The following ABHD17C variants were observed in gnomAD, a reference collection of about 807,000 sequenced individuals.
ABHD17C encodes the protein alpha/beta hydrolase domain-containing protein 17C.
A neutral mutation model predicts 27.9 loss-of-function variants in ABHD17C; 11 were observed. The observed-to-expected ratio is 0.39, with a 90% CI of 0.25 to 0.65. The LOEUF (loss-of-function observed/expected upper bound fraction) is 0.65. Among genes scored for constraint, ABHD17C ranks in the 30% least tolerant of loss-of-function variants. The pLI, the probability that ABHD17C is intolerant of heterozygous loss-of-function variation, is 0.45. For synonymous variants in ABHD17C, 233 were observed against 209.1 expected, an observed-to-expected ratio of 1.11 and a Z score of -0.98; for missense variants, 280 against 470.2, an observed-to-expected ratio of 0.60 and a Z score of 3.74.
intron 2 of ABHD17C, 63 bp downstream of exon 2, chr15:80,749,755 C>T: frequency 5.9e-6 from 9 of 1,522,132 alleles, no homozygotes; most frequent in African/African-American, 1.4e-5. Flanking sequence ...ATCTGATGCT[C>T]CCATAAATAT....
intron 1 of ABHD17C, among the ~76,000 whole-genome samples, chr15:80,746,563 T>C (rs1025122319): frequency 6.6e-6 from 1 of 152,208 alleles, no homozygotes; most frequent in Admixed American, 6.5e-5. Context: ...TTGTAGACAC[T>C]GGTACTGGGT....
intron 1 of ABHD17C, among the ~76,000 whole-genome samples, chr15:80,726,440 T>G (rs1894976564): frequency 6.6e-6 from 1 of 152,072 alleles, no homozygotes; most frequent in Non-Finnish European, 1.5e-5. Flanking sequence ...TCTGCATCTG[T>G]TTTTTTCCCT....
chr15:80,717,216 A>G (rs77346561), intron 1 of ABHD17C, among the ~76,000 whole-genome samples: 2,901 of 150,646 alleles, frequency 0.019, 86 homozygotes, highest in Admixed American at 0.088. Flanking sequence ...AATTGAACAT[A>G]CACTCTATCA....
intron 1 of ABHD17C, among the ~76,000 whole-genome samples, chr15:80,708,043 C>T (rs1894672255): frequency 6.6e-6 from 1 of 152,182 alleles, no homozygotes; most frequent in African/African-American, 2.4e-5. Flanking sequence ...ACACCTGGGC[C>T]CCGGGCACTG....
intron 1 of ABHD17C, among the ~76,000 whole-genome samples, chr15:80,725,596 G>T (rs1012330223): frequency 6.6e-6 from 1 of 152,060 alleles, no homozygotes; most frequent in South Asian, 2.1e-4. Context: ...CATTGCAGCC[G>T]TGAACTTCTG....
intron 1 of ABHD17C, among the ~76,000 whole-genome samples, chr15:80,713,605 C>T (rs748533993): frequency 5.5e-4 from 84 of 151,626 alleles, no homozygotes; most frequent in Non-Finnish European, 1.1e-3. Flanking sequence ...GTCAGCAGTT[C>T]GAGACCAGCC....
chr15:80,728,536 A>G (rs1235240608), intron 1 of ABHD17C, among the ~76,000 whole-genome samples: 1 of 152,212 alleles, frequency 6.6e-6, no homozygotes, highest in African/African-American at 2.4e-5. Flanking sequence ...TAGGAGATCT[A>G]AAGGCAGGTA....
Position 80,754,384 on chromosome 15 carries a change from A to T in ABHD17C, c.*14A>T. The T allele has an allele frequency of 6.3e-7, 1 of 1,597,842 alleles. No homozygotes were observed. Among genetic ancestry groups the T allele is most frequent in the Middle Eastern group, 1.7e-4 (1 of 5,716 alleles). On this transcript the variant is annotated 3_prime_UTR_variant, in exon 3 of 3. Transcript: ENST00000258884. ...CCTAATTCCTGAAGACAACAACTTGATCTTACCTCATTTACTGTGAACAGA... is the reference window on the plus strand; with the variant it reads ...CCTAATTCCTGAAGACAACAACTTGTTCTTACCTCATTTACTGTGAACAGA...
intron 1 of ABHD17C, among the ~76,000 whole-genome samples, chr15:80,740,188 T>C (rs1895190500): frequency 1.3e-5 from 2 of 152,132 alleles, no homozygotes; most frequent in African/African-American, 4.8e-5. Context: ...TTTCTGTGAC[T>C]TCTCCCTGCC....
intron 2 of ABHD17C, among the ~76,000 whole-genome samples, chr15:80,753,803 G>GA (rs1293789365): frequency 3.3e-5 from 5 of 152,056 alleles, no homozygotes; most frequent in Non-Finnish European, 5.9e-5. Flanking sequence ...TAAATTACCA[G>GA]AAAAAAATAA....
intron 1 of ABHD17C, among the ~76,000 whole-genome samples, chr15:80,739,853 G>A (rs1895183396): frequency 1.5e-5 from 2 of 131,010 alleles, no homozygotes; most frequent in South Asian, 5.6e-4. Context: ...TTTACAGGTG[G>A]GCTGCTGAGT....
chr15:80,719,952 C>G (rs983433518), intron 1 of ABHD17C, among the ~76,000 whole-genome samples: 10 of 152,120 alleles, frequency 6.6e-5, no homozygotes, highest in Admixed American at 3.9e-4. Flanking sequence ...TGCACACCAC[C>G]ACGCCCAACC....
intron 1 of ABHD17C, among the ~76,000 whole-genome samples, chr15:80,710,473 A>T (rs1894714080): frequency 6.6e-6 from 1 of 152,174 alleles, no homozygotes; most frequent in Non-Finnish European, 1.5e-5. Flanking sequence ...AAATTGGAGG[A>T]GCTGATATGT....
At chr15:80,703,994 T>C (rs903006665) in intron 1 of ABHD17C, among the ~76,000 whole-genome samples, 2 of 152,224 alleles carry the variant, frequency 1.3e-5, no homozygotes, top group African/African-American at 2.4e-5. Context: ...TGTGCCAATA[T>C]ACTATAATGA....
At chr15:80,702,269 T>C (rs891040501) in intron 1 of ABHD17C, among the ~76,000 whole-genome samples, 1 of 152,000 alleles carries the variant, frequency 6.6e-6, no homozygotes, top group Non-Finnish European at 1.5e-5. Context: ...GAGGCTGAGG[T>C]GGGAGGATTG....
intron 1 of ABHD17C, among the ~76,000 whole-genome samples, chr15:80,737,400 C>G (rs1596071118): frequency 6.6e-6 from 1 of 152,128 alleles, no homozygotes; most frequent in Non-Finnish European, 1.5e-5. Flanking sequence ...GATTATATGT[C>G]CACTGGAATG....
intron 1 of ABHD17C, among the ~76,000 whole-genome samples, chr15:80,719,508 T>C (rs1308053399): frequency 1.3e-5 from 2 of 152,258 alleles, no homozygotes; most frequent in Non-Finnish European, 2.9e-5. Context: ...CCATTCTTTC[T>C]GGTAGTCACA....
chr15:80,736,714 G>T (rs1007972218), intron 1 of ABHD17C, among the ~76,000 whole-genome samples: 1 of 152,118 alleles, frequency 6.6e-6, no homozygotes, highest in Non-Finnish European at 1.5e-5. Context: ...CAAAGTCAGT[G>T]GAACTGTGCC....
intron 1 of ABHD17C, among the ~76,000 whole-genome samples, chr15:80,721,042 A>C (rs1277164963): frequency 6.6e-6 from 1 of 151,892 alleles, no homozygotes; most frequent in Non-Finnish European, 1.5e-5. Flanking sequence ...TTCTTTTCCT[A>C]CATTTTCATA....
Sources: allele counts gnomAD v4.1 joint callset (sites outside exome capture counted in the v4.1 genomes callset), GRCh38; gene constraint gnomAD v4.1.1; transcripts MANE v1.5; gene names NCBI Gene and HGNC (gene_info 2026-07-23, HGNC 2026-07-21).